Variants in ZNF865 observed in about 807,000 individuals in gnomAD.
The protein encoded by ZNF865 is zinc finger protein 865.
For missense variants in ZNF865, 1,311 were observed against 1,593.4 expected (o/e 0.82, Z 3.02); for synonymous variants, 763 against 750.8 (o/e 1.02, Z -0.27).
At chr19:55,609,259 G>A (rs936280560) in intron 1 of ZNF865, among the ~76,000 whole-genome samples, 4 of 152,082 alleles carry the variant, frequency 2.6e-5, no homozygotes, top group Non-Finnish European at 4.4e-5. Flanking sequence ...GACTATAGTT[G>A]ATCCACCCAC....
intron 1 of ZNF865, among the ~76,000 whole-genome samples, chr19:55,608,811 G>T (rs1158971080): frequency 6.6e-6 from 1 of 152,198 alleles, no homozygotes; most frequent in African/African-American, 2.4e-5. Context: ...GACTTGTTCT[G>T]GTCTTGGGTC....
Position 55,609,461 on chromosome 19 carries a change from G to A in ZNF865, c.-27+3729G>A, listed in dbSNP as rs576113193. On this transcript the variant is annotated intron_variant, in intron 1 of 1. Coordinates refer to ENST00000568956, the MANE Select transcript of ZNF865 (RefSeq NM_001195605.2). ...ATCAGAGTTACAAGAGTGCTGGGCT[G>A]GTAGAAAGCACACATCCAGTGTTAT... Among the ~76,000 whole-genome samples, 6 of 152,306 alleles carry A rather than the reference G, an allele frequency of 3.9e-5. No individual in the cohort carries two copies. In the South Asian group the frequency reaches 1.0e-3, roughly 26 times the overall value.
chr19:55,613,557 G>A, intron 1 of ZNF865, 36 bp from the exon 2 acceptor site: 1 of 1,447,552 alleles, frequency 6.9e-7, no homozygotes, highest in Non-Finnish European at 9.1e-7. Context: ...ACCCAGCGCC[G>A]CGGCCGTGTC....
In ZNF865 at chr19:55,616,962, A is replaced by C; in HGVS notation, c.*164A>C. On this transcript the variant is annotated 3_prime_UTR_variant, in exon 2 of 2. Coordinates refer to ENST00000568956, the MANE Select transcript of ZNF865 (RefSeq NM_001195605.2). ...CGCCCGACAGGCTCAAGACTGAATCACTCCCATCCTCGACCTCTCTGCCCT... is the reference window on the plus strand; with the variant it reads ...CGCCCGACAGGCTCAAGACTGAATCCCTCCCATCCTCGACCTCTCTGCCCT... 4 of 643,424 alleles carry C rather than the reference A, an allele frequency of 6.2e-6. No homozygotes were observed. The highest frequency in any genetic ancestry group is 3.1e-5 in the South Asian group (1 of 32,288). The allele number at this position is 643,424 out of a possible 1,614,324, so 39.9% of individuals were successfully genotyped here. A position where few individuals can be genotyped will look rare whatever the true frequency, so the allele number is the denominator to read the frequency against.
chr19:55,614,796 T>A lies in ZNF865; in HGVS notation c.1178T>A (p.Leu393Gln). 1 of 1,552,632 alleles carries A rather than the reference T, an allele frequency of 6.4e-7. No homozygotes were observed. Among genetic ancestry groups the A allele is most frequent in the South Asian group, 1.2e-5 (1 of 85,012 alleles). Residue 393 changes from leucine to glutamine, a missense_variant, in exon 2 of 2, where the codon CTG (leucine) becomes CAG (glutamine). Physicochemically the swap from Leu to Gln is moderately radical, Grantham distance 113. Transcript: ENST00000568956. This position sits in a 1 kb window ranked among gnomAD's most constrained non-coding sequence, Gnocchi z 8.0. ...CSKSFNRRESLKRHVKTHSAD... is the reference protein window; with the variant it reads ...CSKSFNRRESQKRHVKTHSAD... ...AAAAGCTTCAACCGCAGGGAGAGTC[T>A]GAAGCGCCACGTGAAGACGCACTCG...
At chr19:55,606,456 C>T (rs934111414) in intron 1 of ZNF865, among the ~76,000 whole-genome samples, 1 of 152,204 alleles carries the variant, frequency 6.6e-6, no homozygotes, top group Non-Finnish European at 1.5e-5. Context: ...TCCAGGCTCC[C>T]ATGACATACT....
Position 55,615,739 on chromosome 19 carries a change from C to T in ZNF865, c.2121C>T (p.Gly707=), listed in dbSNP as rs1217048011. ...YGCDACGKTF[G]FIENLMWHKL... ...GCGACGCCTGCGGCAAGACCTTCGG[C>T]TTCATCGAGAACCTCATGTGGCACA... Residue 707 remains glycine (G), a synonymous_variant, in exon 2 of 2, where the codon GGC becomes GGT. Coordinates refer to ENST00000568956, the MANE Select transcript of ZNF865 (RefSeq NM_001195605.2). 2 of 1,533,480 alleles carry T rather than the reference C, an allele frequency of 1.3e-6. No homozygotes were observed. The highest frequency in any genetic ancestry group is 3.9e-5 in the Admixed American group (2 of 50,824). 95.0% of individuals were successfully genotyped at this position (1,533,480 alleles called of 1,614,324 possible).
rs1353482832 is a variant in ZNF865, at chr19:55,614,297, G to A, written c.679G>A (p.Gly227Ser). ...CCTGATGGAGCGGCGCTTCCCCTGCGGCGTGTGCCAGAAGTCCTTCAAGCA... is the reference window on the plus strand; with the variant it reads ...CCTGATGGAGCGGCGCTTCCCCTGCAGCGTGTGCCAGAAGTCCTTCAAGCA... ...KYLMERRFPC[G>S]VCQKSFKQSS... is the part of the protein sequence containing the mutation. The change falls in exon 2 of 2, where the codon GGC becomes AGC. Residue 227 changes from glycine to serine, a missense_variant. Physicochemically the swap from Gly to Ser is moderately conservative, Grantham distance 56. Transcript: ENST00000568956. This position sits in a 1 kb window ranked among gnomAD's most constrained non-coding sequence, Gnocchi z 8.0. 4 of 1,510,282 alleles carry A rather than the reference G, an allele frequency of 2.6e-6. No individual in the cohort carries two copies. The highest frequency in any genetic ancestry group is 2.1e-5 in the Admixed American group (1 of 48,464). 93.6% of individuals were successfully genotyped at this position (1,510,282 alleles called of 1,614,324 possible). A position where few individuals can be genotyped will look rare whatever the true frequency, so the allele number is the denominator to read the frequency against.
Position 55,614,212 on chromosome 19 carries a change from C to T in ZNF865, c.594C>T (p.Pro198=), listed in dbSNP as rs1981252751. ...PAPSQTPPGP[P]AAAACDPTKD... is the part of the protein sequence containing the mutation. ...CCTCGCAGACCCCGCCAGGACCCCCCGCGGCGGCGGCCTGCGACCCCACCA... is the reference window on the plus strand; with the variant it reads ...CCTCGCAGACCCCGCCAGGACCCCCTGCGGCGGCGGCCTGCGACCCCACCA... Residue 198 remains proline (P), a synonymous_variant, in exon 2 of 2, where the codon CCC becomes CCT. Transcript: ENST00000568956. This position sits in a 1 kb window ranked among gnomAD's most constrained non-coding sequence, Gnocchi z 8.0. 1 of 1,506,380 alleles carries T rather than the reference C, an allele frequency of 6.6e-7. No homozygotes were observed. The highest frequency in any genetic ancestry group is 8.8e-7 in the Non-Finnish European group (1 of 1,133,322). The allele number at this position is 1,506,380 out of a possible 1,614,324, so 93.3% of individuals were successfully genotyped here. A position where few individuals can be genotyped will look rare whatever the true frequency, so the allele number is the denominator to read the frequency against.
chr19:55,616,360 G>A lies in ZNF865; in HGVS notation c.2742G>A (p.Ala914=). The change falls in exon 2 of 2, where the codon GCG becomes GCA. Residue 914 remains alanine (A), a synonymous_variant. Coordinates refer to ENST00000568956, the MANE Select transcript of ZNF865 (RefSeq NM_001195605.2). ...GCGGCGTGTGCGCCAAGCGCTTCGC[G>A]CAGTCGTCCAGCCTGGCAGAGCACC... ...FKCGVCAKRF[A]QSSSLAEHRR... 2 of 1,521,544 alleles carry A rather than the reference G, an allele frequency of 1.3e-6. No individual in the cohort carries two copies. The allele number at this position is 1,521,544 out of a possible 1,614,324, so 94.3% of individuals were successfully genotyped here.
At position 55,616,282 on chromosome 19, in the gene ZNF865, C is replaced by T. The variant is rs1340235300; in HGVS notation, c.2664C>T (p.Ser888=). ...TGTGCGGCCGAGGCTTCCTGCGCTC[C>T]TGGTACCTGCGGCAGCACCGCGTGG... ...CGVCGRGFLR[S]WYLRQHRVVH... is the part of the protein sequence containing the mutation. Residue 888 remains serine (S), a synonymous_variant, in exon 2 of 2, where the codon TCC becomes TCT. Coordinates refer to ENST00000568956, the MANE Select transcript of ZNF865 (RefSeq NM_001195605.2). 6.6e-6 allele frequency: 10 copies of T among 1,519,344 alleles called. No homozygotes were observed. The African/African-American group carries it at 9.7e-5, about 15-fold the overall frequency. 94.1% of individuals were successfully genotyped at this position (1,519,344 alleles called of 1,614,324 possible).
chr19:55,609,660 C>G (rs1981063172), intron 1 of ZNF865, among the ~76,000 whole-genome samples: 1 of 152,198 alleles, frequency 6.6e-6, no homozygotes, highest in Non-Finnish European at 1.5e-5. Flanking sequence ...CTCAGTTTCC[C>G]CACTTATAAG....
In ZNF865 at chr19:55,614,944, C is replaced by G; in HGVS notation, c.1326C>G (p.Pro442=). ...AGAGGPRPVY[P]CDLCGKSYSA... ...CCGGGGGGCCTCGGCCCGTGTACCC[C>G]TGCGACCTGTGCGGCAAGTCCTACT... Residue 442 remains proline, a synonymous_variant, in exon 2 of 2, where the codon CCC becomes CCG. Coordinates refer to ENST00000568956, the MANE Select transcript of ZNF865 (RefSeq NM_001195605.2). This position sits in a 1 kb window ranked among gnomAD's most constrained non-coding sequence, Gnocchi z 8.0. 1 of 1,480,356 alleles carries G rather than the reference C, an allele frequency of 6.8e-7. No homozygotes were observed. Among genetic ancestry groups the G allele is most frequent in the Non-Finnish European group, 8.9e-7 (1 of 1,122,352 alleles). The allele number at this position is 1,480,356 out of a possible 1,614,324, so 91.7% of individuals were successfully genotyped here.
rs1379423017 is a variant in ZNF865, at chr19:55,611,973, C to CG, written c.-26-1615dup. Among the ~76,000 whole-genome samples the CG allele has an allele frequency of 1.3e-5, 2 of 151,862 alleles. No individual in the cohort carries two copies. Among genetic ancestry groups the CG allele is most frequent in the African/African-American group, 4.8e-5 (2 of 41,328 alleles). On this transcript the variant is annotated intron_variant, in intron 1 of 1. Transcript: ENST00000568956. This position sits in a 1 kb window ranked among gnomAD's most constrained non-coding sequence, Gnocchi z 4.5. ...TAAAGGAGGTGCCAGAGAATGATGC[C>CG]GGGGGTGGAGGGTCAGGAGAAGCCC...
chr19:55,616,706 T>A lies in ZNF865; in HGVS notation c.3088T>A (p.Tyr1030Asn), dbSNP rs1568527328. Residue 1030 changes from tyrosine (Y) to asparagine (N), a missense_variant, in exon 2 of 2, where the codon TAC (tyrosine) becomes AAC (asparagine). Physicochemically the swap from Tyr to Asn is moderately radical, Grantham distance 143. Coordinates refer to ENST00000568956, the MANE Select transcript of ZNF865 (RefSeq NM_001195605.2). ...CTGCGGCGAGGGCTTCGCCAACACC[T>A]ACGGCCTCAAGAAACACCGCCTGGC... is the stretch of plus-strand genomic sequence containing the variant. ...SSCGEGFANT[Y>N]GLKKHRLAHK... The A allele has an allele frequency of 6.6e-7, 1 of 1,525,730 alleles. No individual in the cohort carries two copies. Among genetic ancestry groups the A allele is most frequent in the Non-Finnish European group, 8.8e-7 (1 of 1,142,202 alleles). 94.5% of individuals were successfully genotyped at this position (1,525,730 alleles called of 1,614,324 possible).
chr19:55,606,373 G>A (rs1980942096), intron 1 of ZNF865, among the ~76,000 whole-genome samples: 1 of 152,048 alleles, frequency 6.6e-6, no homozygotes, highest in Non-Finnish European at 1.5e-5. Context: ...CATCGCAGCG[G>A]CACAGCTCCC....
Position 55,611,753 on chromosome 19 carries a change from C to G in ZNF865, c.-26-1840C>G, listed in dbSNP as rs185568716. ...GCTGGGCTTAGAGCCTGGCCCCCATCGGGTAGGGATGATGGACAGGAAGCG... is the reference window on the plus strand; with the variant it reads ...GCTGGGCTTAGAGCCTGGCCCCCATGGGGTAGGGATGATGGACAGGAAGCG... On this transcript the variant is annotated intron_variant, in intron 1 of 1. Transcript: ENST00000568956. This position sits in a 1 kb window ranked among gnomAD's most constrained non-coding sequence, Gnocchi z 4.5. Among the ~76,000 whole-genome samples, 1 of 152,128 alleles carries G rather than the reference C, an allele frequency of 6.6e-6. No individual in the cohort carries two copies. The highest frequency in any genetic ancestry group is 1.5e-5 in the Non-Finnish European group (1 of 68,028).
chr19:55,608,614 A>G (rs1330111041), intron 1 of ZNF865, among the ~76,000 whole-genome samples: 2 of 152,130 alleles, frequency 1.3e-5, no homozygotes, highest in Non-Finnish European at 2.9e-5. Flanking sequence ...GTGCCCAGTC[A>G]GGACTGTGGC....
chr19:55,613,912 G>GTCC lies in ZNF865; in HGVS notation c.309_311dup (p.Ser117dup), dbSNP rs761424663. The GTCC allele has an allele frequency of 5.2e-5, 78 of 1,510,678 alleles. No individual in the cohort carries two copies. Among genetic ancestry groups the GTCC allele is most frequent in the Middle Eastern group, 1.7e-4 (1 of 5,944 alleles). 93.6% of individuals were successfully genotyped at this position (1,510,678 alleles called of 1,614,324 possible). On this transcript the variant is annotated inframe_insertion, in exon 2 of 2. Coordinates refer to ENST00000568956, the MANE Select transcript of ZNF865 (RefSeq NM_001195605.2). ...AGGTGCCCTCCTCGTCCTCGTCCTC[G>GTCC]TCCTCCTCCTCCTCCTCTTCGTCCT... is the stretch of plus-strand genomic sequence containing the variant.
Sources: allele counts gnomAD v4.1 joint callset (sites outside exome capture counted in the v4.1 genomes callset), GRCh38; gene constraint gnomAD v4.1.1; non-coding constraint Gnocchi (gnomAD v3.1); transcripts MANE v1.5; gene names NCBI Gene and HGNC (gene_info 2026-07-23, HGNC 2026-07-21).